The following YWHAQ variants were observed in gnomAD, a reference collection of about 807,000 sequenced individuals.
YWHAQ encodes the protein 14-3-3 protein theta.
YWHAQ carries 6 observed loss-of-function variants against 28.3 expected under a neutral mutation model. The ratio of observed to expected loss-of-function variants is 0.21; its 90% CI spans 0.12 to 0.42. The LOEUF (loss-of-function observed/expected upper bound fraction) is 0.42. YWHAQ is among the 10% of genes least tolerant of loss of function. The pLI, the probability that YWHAQ is intolerant of heterozygous loss-of-function variation, is 1.00. For missense variants in YWHAQ, 201 were observed against 305.6 expected, an observed-to-expected ratio of 0.66 and a Z score of 2.55; for synonymous variants, 143 against 119.1, an observed-to-expected ratio of 1.20 and a Z score of -1.31.
At position 9,630,147 on chromosome 2, in the gene YWHAQ, C is replaced by T. The variant is rs1224456299; in HGVS notation, c.294+12G>A. On this transcript the variant is annotated intron_variant, in intron 2 of 5. Transcript: ENST00000238081. This position sits in a 1 kb window ranked among gnomAD's most constrained non-coding sequence, Gnocchi z 5.6. ...CAAAAGGCCTCCCCTGCTCCCCGCG[C>T]CGAGGACTCACCAGCACCGTGGTGC... is the stretch of plus-strand genomic sequence containing the variant. 5.6e-6 allele frequency: 9 copies of T among 1,602,844 alleles called. No individual in the cohort carries two copies. The African/African-American group carries it at 1.1e-4, about 19-fold the overall frequency.
chr2:9,626,620 G>A (rs1558552553), intron 2 of YWHAQ, among the ~76,000 whole-genome samples: 1 of 152,056 alleles, frequency 6.6e-6, no homozygotes. Flanking sequence ...TAGTAGAGAC[G>A]GGGTTTCACC....
chr2:9,627,118 C>T (rs1347926352), intron 2 of YWHAQ, among the ~76,000 whole-genome samples: 1 of 152,202 alleles, frequency 6.6e-6, no homozygotes, highest in Non-Finnish European at 1.5e-5. Flanking sequence ...TTTTGTGCTT[C>T]CACGGTTCAG....
At chr2:9,598,928 C>G (rs574732704) in intron 2 of YWHAQ, among the ~76,000 whole-genome samples, 1 of 152,156 alleles carries the variant, frequency 6.6e-6, no homozygotes, top group Non-Finnish European at 1.5e-5. Flanking sequence ...GAAGGCATGT[C>G]GAAAGCCAAG....
intron 2 of YWHAQ, among the ~76,000 whole-genome samples, chr2:9,624,968 T>C (rs1343150584): frequency 6.6e-6 from 1 of 151,936 alleles, no homozygotes; most frequent in African/African-American, 2.4e-5. Context: ...GGTCTCGAAC[T>C]CCTGACCTCA....
chr2:9,585,962 C>G (rs1157555727), intron 5 of YWHAQ, among the ~76,000 whole-genome samples: 2 of 151,256 alleles, frequency 1.3e-5, no homozygotes, highest in Admixed American at 6.6e-5. Context: ...ACTCTACTTT[C>G]AGAATAAGCA....
At chr2:9,597,985 A>ATTTTTTTTTTTTTTTT (rs547582835) in intron 2 of YWHAQ, among the ~76,000 whole-genome samples, 7 of 62,480 alleles carry the variant, frequency 1.1e-4, no homozygotes, top group African/African-American at 3.0e-4. Flanking sequence ...ATGCCGGGCT[A>ATTTTTTTTTTTTTTTT]TTTTTTTTTT....
At chr2:9,587,679 A>C (rs1347262165) in intron 4 of YWHAQ, among the ~76,000 whole-genome samples, 170 bp from the exon 5 acceptor site, 1 of 152,246 alleles carries the variant, frequency 6.6e-6, no homozygotes, top group Non-Finnish European at 1.5e-5. Flanking sequence ...TATGAGTATG[A>C]CTGGAATTTT....
chr2:9,590,027 TAAG>T (rs1252716422), intron 3 of YWHAQ, among the ~76,000 whole-genome samples: 3 of 152,310 alleles, frequency 2.0e-5, no homozygotes, highest in East Asian at 1.9e-4. Context: ...CCACATGCAA[TAAG>T]AAGTTCTTGC....
At chr2:9,600,449 A>G (rs1666670694) in intron 2 of YWHAQ, among the ~76,000 whole-genome samples, 7 of 152,146 alleles carry the variant, frequency 4.6e-5, no homozygotes, top group Admixed American at 4.6e-4. Flanking sequence ...ACTCATGCCT[A>G]TAATCCCAGC....
At chr2:9,591,605 T>G in intron 2 of YWHAQ, 90 bp from the exon 3 acceptor site, 1 of 1,472,024 alleles carries the variant, frequency 6.8e-7, no homozygotes, top group Non-Finnish European at 9.1e-7. Context: ...AGCGGGCATT[T>G]CAATCATTTA....
chr2:9,603,332 C>T (rs995220745), intron 2 of YWHAQ, among the ~76,000 whole-genome samples: 1 of 150,204 alleles, frequency 6.7e-6, no homozygotes, highest in African/African-American at 2.5e-5. Flanking sequence ...TGCAGTGACA[C>T]GATCTCAGCT....
rs185009090 is a variant in YWHAQ, at chr2:9,608,679, T to C, written c.295-17164A>G. Among the ~76,000 whole-genome samples the C allele has an allele frequency of 4.5e-3, 681 of 152,320 alleles. 3 individuals are homozygous for C. Among genetic ancestry groups the C allele is most frequent in the Middle Eastern group, 0.027 (8 of 294 alleles). ...ATTAAAAATAACAGGCTGGGTGCGA[T>C]GGCTCACGCCTGTAATCCCAACATT... On this transcript the variant is annotated intron_variant, in intron 2 of 5. Transcript: ENST00000238081.
chr2:9,604,575 C>G (rs554086959), intron 2 of YWHAQ, among the ~76,000 whole-genome samples: 4 of 152,134 alleles, frequency 2.6e-5, no homozygotes, highest in African/African-American at 9.7e-5. Flanking sequence ...TTTTTCCAGT[C>G]AGGCCTCCCT....
intron 2 of YWHAQ, among the ~76,000 whole-genome samples, chr2:9,622,266 AT>A (rs890907643): frequency 6.0e-5 from 9 of 151,180 alleles, no homozygotes; most frequent in African/African-American, 2.2e-4. Flanking sequence ...ATTATTCCTG[AT>A]TTTTTTTCCT....
chr2:9,599,935 C>T (rs543937997), intron 2 of YWHAQ, among the ~76,000 whole-genome samples: 1 of 152,240 alleles, frequency 6.6e-6, no homozygotes, highest in South Asian at 2.1e-4. Flanking sequence ...TGAAAACCAC[C>T]TAGAAAGGAT....
chr2:9,589,548 A>G (rs1046791825), intron 3 of YWHAQ, among the ~76,000 whole-genome samples: 2 of 152,196 alleles, frequency 1.3e-5, no homozygotes, highest in Admixed American at 6.5e-5. Flanking sequence ...GCGCCATTGC[A>G]CTTCAACCTG....
At chr2:9,600,283 A>G (rs1666662549) in intron 2 of YWHAQ, among the ~76,000 whole-genome samples, 1 of 152,236 alleles carries the variant, frequency 6.6e-6, no homozygotes, top group African/African-American at 2.4e-5. Context: ...TGAAATGACA[A>G]CAAAGGACTG....
At chr2:9,600,309 C>T (rs1486663113) in intron 2 of YWHAQ, among the ~76,000 whole-genome samples, 1 of 152,170 alleles carries the variant, frequency 6.6e-6, no homozygotes, top group Non-Finnish European at 1.5e-5. Context: ...ACTGCATAAA[C>T]TTAGTTGATA....
chr2:9,589,986 A>G (rs1464380994), intron 3 of YWHAQ, among the ~76,000 whole-genome samples: 3 of 152,320 alleles, frequency 2.0e-5, no homozygotes, highest in South Asian at 4.1e-4. Flanking sequence ...GAAATGGCAC[A>G]TTTATTGATC....
Sources: allele counts gnomAD v4.1 joint callset (sites outside exome capture counted in the v4.1 genomes callset), GRCh38; gene constraint gnomAD v4.1.1; non-coding constraint Gnocchi (gnomAD v3.1); transcripts MANE v1.5; gene names NCBI Gene and HGNC (gene_info 2026-07-23, HGNC 2026-07-21).